ECT2L: variants seen among roughly 807,000 people sequenced by gnomAD.
ECT2L encodes the protein epithelial cell-transforming sequence 2 oncogene-like.
In ECT2L, 126 loss-of-function variants were observed where a neutral mutation model predicts 122.8. The ratio of observed to expected loss-of-function variants is 1.03; its 90% CI spans 0.89 to 1.19. ECT2L has a LOEUF of 1.19. Among genes scored for constraint, ECT2L ranks in the 50% most tolerant of loss-of-function variants. ECT2L has a pLI of 0.00. For missense variants in ECT2L, 1,012 were observed against 1,064.1 expected, an observed-to-expected ratio of 0.95 and a Z score of 0.68; for synonymous variants, 385 against 381.8, an observed-to-expected ratio of 1.01 and a Z score of -0.10.
intron 1 of ECT2L, among the ~76,000 whole-genome samples, chr6:138,803,391 C>T (rs183536120): frequency 1.1e-4 from 16 of 151,900 alleles, no homozygotes; most frequent in East Asian, 3.9e-4. Context: ...GCAGAGACAG[C>T]GACTATTCTT....
chr6:138,865,313 G>T, intron 12 of ECT2L, 135 bp downstream of exon 12: 1 of 706,776 alleles, frequency 1.4e-6, no homozygotes, highest in Non-Finnish European at 2.1e-6. Context: ...CTCCTAGGTT[G>T]CTCACACGGC....
At chr6:138,847,118 A>G (rs889792830) in intron 8 of ECT2L, among the ~76,000 whole-genome samples, 16 of 151,648 alleles carry the variant, frequency 1.1e-4, no homozygotes, top group African/African-American at 3.9e-4. Flanking sequence ...AAGTAGAAAA[A>G]AAATAGCCGG....
At chr6:138,861,618 G>A (rs931343958) in intron 10 of ECT2L, among the ~76,000 whole-genome samples, 2 of 151,932 alleles carry the variant, frequency 1.3e-5, no homozygotes, top group Admixed American at 6.6e-5. Flanking sequence ...TGTAGATTCT[G>A]GATATTAGCC....
intron 20 of ECT2L, among the ~76,000 whole-genome samples, chr6:138,897,757 C>A (rs1360969284): frequency 6.6e-6 from 1 of 152,148 alleles, no homozygotes; most frequent in African/African-American, 2.4e-5. Flanking sequence ...TTACGAAAGG[C>A]TCAATTCTAA....
chr6:138,850,565 G>A (rs1777402809), intron 9 of ECT2L, among the ~76,000 whole-genome samples: 2 of 152,138 alleles, frequency 1.3e-5, no homozygotes, highest in South Asian at 4.1e-4. Flanking sequence ...TGGAAACTGG[G>A]TTGCTTCCAC....
At chr6:138,878,740 C>G (rs955124717) in intron 14 of ECT2L, among the ~76,000 whole-genome samples, 1 of 152,210 alleles carries the variant, frequency 6.6e-6, no homozygotes, top group East Asian at 1.9e-4. Context: ...AGCCACCGCA[C>G]GTGGCCAAGG....
At chr6:138,826,553 G>A (rs1336347273) in intron 4 of ECT2L, among the ~76,000 whole-genome samples, 1 of 151,920 alleles carries the variant, frequency 6.6e-6, no homozygotes, top group Non-Finnish European at 1.5e-5. Context: ...GCAGTTGTCT[G>A]TAATTTGGGA....
intron 14 of ECT2L, among the ~76,000 whole-genome samples, chr6:138,880,379 AAGG>A (rs1324237389): frequency 3.9e-5 from 6 of 152,142 alleles, no homozygotes; most frequent in African/African-American, 9.7e-5. Flanking sequence ...CCCATTCATG[AAGG>A]AGGAGTCCTC....
At chr6:138,836,455 A>G (rs1342271850) in intron 4 of ECT2L, among the ~76,000 whole-genome samples, 1 of 151,884 alleles carries the variant, frequency 6.6e-6, no homozygotes. Context: ...TGCCCGGCTA[A>G]CTTTTGTATT....
chr6:138,865,338 G>A (rs372667131), intron 12 of ECT2L, among the ~76,000 whole-genome samples, 160 bp downstream of exon 12: 3 of 151,992 alleles, frequency 2.0e-5, no homozygotes, highest in Non-Finnish European at 4.4e-5. Flanking sequence ...CAAATATAAC[G>A]AACAACCACT....
intron 9 of ECT2L, among the ~76,000 whole-genome samples, chr6:138,850,156 T>C (rs1777383334): frequency 2.0e-5 from 3 of 151,242 alleles, no homozygotes; most frequent in African/African-American, 2.4e-5. Context: ...TTTTCTTTTT[T>C]CGAGACAGAG....
chr6:138,860,658 T>C (rs1336558592), intron 10 of ECT2L, among the ~76,000 whole-genome samples: 1 of 152,062 alleles, frequency 6.6e-6, no homozygotes, highest in Non-Finnish European at 1.5e-5. Flanking sequence ...ATTCAACCTG[T>C]ATGCTGAATT....
chr6:138,829,450 T>C (rs1776575666), intron 4 of ECT2L, among the ~76,000 whole-genome samples: 1 of 152,178 alleles, frequency 6.6e-6, no homozygotes, highest in Non-Finnish European at 1.5e-5. Context: ...GTCAACAGGA[T>C]TTGTATTGAA....
intron 20 of ECT2L, among the ~76,000 whole-genome samples, chr6:138,897,635 T>C (rs925101363): frequency 8.5e-5 from 13 of 152,224 alleles, no homozygotes; most frequent in Non-Finnish European, 1.3e-4. Context: ...ATTTAGTAAA[T>C]GGCTTTTGAA....
rs192127556 is a variant in ECT2L at position 138,868,936 on chromosome 6, G to A, written c.1578+730G>A. Among the ~76,000 whole-genome samples, 342 of 152,304 alleles carry A rather than the reference G, an allele frequency of 2.2e-3. 3 individuals carry two copies. The highest frequency in any genetic ancestry group is 7.7e-3 in the African/African-American group (319 of 41,566). On this transcript the variant is annotated intron_variant, in intron 13 of 21. Transcript: ENST00000541398. Reference sequence around the variant, plus strand: ...AATCCCAGCACTTTGGGAGGCCGAGGCAGGCGGATCATTTGAGATCAGGAG... The same window carrying A: ...AATCCCAGCACTTTGGGAGGCCGAGACAGGCGGATCATTTGAGATCAGGAG...
Position 138,814,515 on chromosome 6 carries a change from A to G in ECT2L, c.91A>G (p.Ile31Val). ...GCTCTTTCAGGAAAGAGTGGCTCTT[A>G]TAAGTCATTGGTTTGACCTCTGGAC... ...RQLFQERVAL[I>V]SHWFDLWTNK... The change falls in exon 4 of 22, where the codon ATA becomes GTA. Residue 31 changes from isoleucine (I) to valine (V), a missense_variant. Transcript: ENST00000541398. The G allele has an allele frequency of 4.3e-6, 7 of 1,611,326 alleles. No homozygotes were observed. The highest frequency in any genetic ancestry group is 5.9e-6 in the Non-Finnish European group (7 of 1,178,076).
At chr6:138,841,216 T>C (rs988905152) in intron 5 of ECT2L, among the ~76,000 whole-genome samples, 1 of 152,228 alleles carries the variant, frequency 6.6e-6, no homozygotes, top group Non-Finnish European at 1.5e-5. Flanking sequence ...TTGGATCACC[T>C]GAGGATCTCT....
At chr6:138,857,821 T>C (rs899865503) in intron 10 of ECT2L, among the ~76,000 whole-genome samples, 36 of 152,178 alleles carry the variant, frequency 2.4e-4, no homozygotes, top group Admixed American at 2.2e-3. Context: ...ATGTGTATTA[T>C]TCCATTCTCA....
chr6:138,864,936 A>G, intron 11 of ECT2L, 60 bp from the exon 12 acceptor site: 2 of 1,493,898 alleles, frequency 1.3e-6, no homozygotes, highest in Middle Eastern at 2.5e-4. Context: ...TTTAAACAAG[A>G]TGTAGAATTG....
Sources: gnomAD v4.1 joint callset for allele counts (sites outside exome capture counted in the v4.1 genomes callset) on GRCh38, gnomAD v4.1.1 for gene constraint, MANE v1.5 for transcripts, NCBI Gene and HGNC (gene_info 2026-07-23, HGNC 2026-07-21) for gene names.